NLGN1: variants seen among roughly 807,000 people sequenced by gnomAD.
NLGN1 encodes the protein neuroligin 1, also known as neuroligin-1.
NLGN1 carries 12 observed loss-of-function variants against 65.5 expected under a neutral mutation model. The ratio of observed to expected loss-of-function variants is 0.18; its 90% confidence interval spans 0.12 to 0.30. The LOEUF is 0.30. NLGN1 is among the 10% of genes least tolerant of loss of function. The pLI, the probability that NLGN1 is intolerant of heterozygous loss-of-function variation, is 1.00. For missense variants in NLGN1, 750 were observed against 1,007.1 expected (o/e 0.74, Z 3.46); for synonymous variants, 350 against 359.5 (o/e 0.97, Z 0.30).
At chr3:173,996,830 A>G (rs746788170) in intron 4 of NLGN1, among the ~76,000 whole-genome samples, 1 of 152,178 alleles carries the variant, frequency 6.6e-6, no homozygotes, top group Non-Finnish European at 1.5e-5. Flanking sequence ...GTTATGTTTT[A>G]TTTTCTGGCA....
chr3:174,013,390 G>A (rs1282009108), intron 4 of NLGN1, among the ~76,000 whole-genome samples: 1 of 152,014 alleles, frequency 6.6e-6, no homozygotes, highest in Non-Finnish European at 1.5e-5. Context: ...CCTCAAAACT[G>A]GCTGAAATGA....
At chr3:173,449,418 G>A (rs1379315726) in intron 2 of NLGN1, among the ~76,000 whole-genome samples, 4 of 152,058 alleles carry the variant, frequency 2.6e-5, no homozygotes, top group Non-Finnish European at 5.9e-5. Flanking sequence ...TTGCACTGTG[G>A]TCTGAGAGAC....
At chr3:173,471,438 C>T (rs931460394) in intron 2 of NLGN1, among the ~76,000 whole-genome samples, 2 of 152,194 alleles carry the variant, frequency 1.3e-5, no homozygotes, top group Middle Eastern at 3.4e-3. Context: ...CCAACCCATT[C>T]TCTGCCTTCG....
chr3:173,669,857 G>A (rs1270711010), intron 3 of NLGN1, among the ~76,000 whole-genome samples: 2 of 152,174 alleles, frequency 1.3e-5, no homozygotes, highest in African/African-American at 2.4e-5. Context: ...GTGGGATGGT[G>A]TATAGAACTT....
chr3:174,209,820 A>T (rs1400730794), intron 4 of NLGN1, among the ~76,000 whole-genome samples: 2 of 151,432 alleles, frequency 1.3e-5, no homozygotes, highest in Non-Finnish European at 2.9e-5. Flanking sequence ...TGTGGTAGGG[A>T]CGGGGTTGCG....
intron 2 of NLGN1, among the ~76,000 whole-genome samples, chr3:173,453,375 A>T (rs1457196450): frequency 1.3e-5 from 2 of 149,866 alleles, no homozygotes; most frequent in African/African-American, 5.0e-5. Flanking sequence ...TGGGATTGGG[A>T]TTGGTAGTTT....
chr3:173,638,172 AG>A (rs1756884268), intron 3 of NLGN1, among the ~76,000 whole-genome samples: 1 of 151,734 alleles, frequency 6.6e-6, no homozygotes, highest in Admixed American at 6.6e-5. Flanking sequence ...ATGAATAAAT[AG>A]GGGAATGCAT....
At chr3:174,173,807 T>A (rs954288814) in intron 4 of NLGN1, among the ~76,000 whole-genome samples, 2 of 152,030 alleles carry the variant, frequency 1.3e-5, no homozygotes, top group African/African-American at 2.4e-5. Context: ...TATGTTCTTT[T>A]ATCTAATTTC....
intron 4 of NLGN1, among the ~76,000 whole-genome samples, chr3:174,181,340 T>A (rs1024859991): frequency 2.6e-5 from 4 of 152,182 alleles, no homozygotes; most frequent in Admixed American, 6.5e-5. Context: ...TAGGCTTTAA[T>A]GACTCATTGT....
At chr3:173,650,455 T>C (rs914750403) in intron 3 of NLGN1, among the ~76,000 whole-genome samples, 1 of 152,184 alleles carries the variant, frequency 6.6e-6, no homozygotes, top group Non-Finnish European at 1.5e-5. Flanking sequence ...GGTTATTGTA[T>C]AGTTTACACT....
intron 3 of NLGN1, among the ~76,000 whole-genome samples, chr3:173,607,409 A>C (rs966571601): frequency 6.6e-6 from 1 of 151,802 alleles, no homozygotes; most frequent in African/African-American, 2.4e-5. Context: ...AATTTAATAT[A>C]TCCAATTATT....
intron 4 of NLGN1, among the ~76,000 whole-genome samples, chr3:173,948,617 A>G (rs1253120299): frequency 6.6e-6 from 1 of 152,240 alleles, no homozygotes; most frequent in Non-Finnish European, 1.5e-5. Flanking sequence ...GGAAGAGGAC[A>G]CATTCCATAG....
At chr3:174,021,070 G>A (rs2152457885) in intron 4 of NLGN1, among the ~76,000 whole-genome samples, 1 of 151,950 alleles carries the variant, frequency 6.6e-6, no homozygotes, top group Non-Finnish European at 1.5e-5. Flanking sequence ...TTTTCTGCTT[G>A]ATTTCTTGCT....
chr3:174,244,344 T>A (rs1178764071), intron 4 of NLGN1, among the ~76,000 whole-genome samples: 1 of 152,186 alleles, frequency 6.6e-6, no homozygotes, highest in African/African-American at 2.4e-5. Flanking sequence ...ATTTTCTGCA[T>A]GATGCTTGTT....
intron 4 of NLGN1, among the ~76,000 whole-genome samples, chr3:173,954,652 A>C (rs952337132): frequency 6.6e-6 from 1 of 152,076 alleles, no homozygotes; most frequent in African/African-American, 2.4e-5. Context: ...TAAGAGAAGT[A>C]ATCACTGATT....
intron 4 of NLGN1, among the ~76,000 whole-genome samples, chr3:173,824,046 T>C (rs775545633): frequency 1.3e-5 from 2 of 152,070 alleles, no homozygotes; most frequent in Non-Finnish European, 2.9e-5. Flanking sequence ...GTTTAATGTT[T>C]GGTTTTAATG....
intron 2 of NLGN1, among the ~76,000 whole-genome samples, chr3:173,594,634 C>T (rs1400112198): frequency 6.6e-6 from 1 of 152,218 alleles, no homozygotes; most frequent in Non-Finnish European, 1.5e-5. Flanking sequence ...AGGTGTTTCC[C>T]CAGTAGGGAC....
At chr3:173,402,553 A>G (rs556889024) in intron 1 of NLGN1, among the ~76,000 whole-genome samples, 1 of 152,256 alleles carries the variant, frequency 6.6e-6, no homozygotes, top group East Asian at 1.9e-4. Flanking sequence ...TCCAGGGTTG[A>G]CTAACTTAGG....
intron 2 of NLGN1, among the ~76,000 whole-genome samples, chr3:173,450,545 G>A (rs1437360897): frequency 6.6e-6 from 1 of 152,092 alleles, no homozygotes; most frequent in African/African-American, 2.4e-5. Context: ...GTGTCTTGGA[G>A]TTGCTCTTCT....
Sources: allele counts gnomAD v4.1 joint callset (sites outside exome capture counted in the v4.1 genomes callset), GRCh38; gene constraint gnomAD v4.1.1; transcripts MANE v1.5; gene names NCBI Gene and HGNC (gene_info 2026-07-23, HGNC 2026-07-21).